The following LTBP1 variants were observed in gnomAD, a reference collection of about 807,000 sequenced individuals.
The protein encoded by LTBP1 is latent-transforming growth factor beta-binding protein 1.
Under a neutral mutation model 207.6 loss-of-function variants are expected in LTBP1, and 129 were observed. The ratio of observed to expected loss-of-function variants is 0.62; its 90% CI spans 0.54 to 0.72. The LOEUF (loss-of-function observed/expected upper bound fraction) is 0.72, where lower values mean the gene tolerates loss of function less well. Among genes scored for constraint, LTBP1 ranks in the 30% least tolerant of loss-of-function variants. The probability of loss-of-function intolerance (pLI) is 0.00; values close to 1 mark genes in which losing one functional copy is unlikely to be tolerated. For synonymous variants in LTBP1, 963 were observed against 833.7 expected (o/e 1.16, Z -2.67); for missense variants, 2,281 against 2,217.2 (o/e 1.03, Z -0.58).
chr2:33,311,535 G>GAAAA (rs11450471), intron 23 of LTBP1, among the ~76,000 whole-genome samples: 184 of 138,348 alleles, frequency 1.3e-3, no homozygotes, highest in African/African-American at 4.1e-3. Context: ...CCAAGAGATG[G>GAAAA]AAAAAAAAAA....
intron 15 of LTBP1, among the ~76,000 whole-genome samples, chr2:33,266,727 A>G (rs2093190695): frequency 6.6e-6 from 1 of 152,160 alleles, no homozygotes. Context: ...GCCCGCAGAA[A>G]GGAGCTACCC....
At position 33,182,715 on chromosome 2, in the gene LTBP1, CACACACACACACACACACACAGACATAT is replaced by C. The variant is rs1558769881; in HGVS notation, c.1202-4139_1202-4112del. ...ATATATATATACACACACACACACA[CACACACACACACACACACACAGACATAT>C]ATATGTATGTATGTGTACACATACA... On this transcript the variant is annotated intron_variant, in intron 5 of 33. Coordinates refer to ENST00000404816, the MANE Select transcript of LTBP1 (RefSeq NM_206943.4). Among the ~76,000 whole-genome samples, 8 of 67,868 alleles carry C rather than the reference CACACACACACACACACACACAGACATAT, an allele frequency of 1.2e-4. 2 individuals carry two copies. Among genetic ancestry groups the C allele is most frequent in the African/African-American group, 4.4e-4 (8 of 18,202 alleles). The allele number at this position is 67,868 out of a possible 152,430, so 44.5% of individuals were successfully genotyped here.
chr2:33,307,085 C>CAAAAAAAAAAAAAAAA (rs1291775472), intron 22 of LTBP1, among the ~76,000 whole-genome samples: 2 of 151,716 alleles, frequency 1.3e-5, no homozygotes, highest in Non-Finnish European at 3.0e-5. Context: ...GACTCCATCT[C>CAAAAAAAAAAAAAAAA]AAAAACAAAA....
At chr2:33,254,160 G>C (rs2092762653) in intron 11 of LTBP1, among the ~76,000 whole-genome samples, 1 of 151,738 alleles carries the variant, frequency 6.6e-6, no homozygotes. Context: ...GGGATTACAG[G>C]GATGGTTCCA....
At chr2:33,051,226 G>C (rs2076721801) in intron 3 of LTBP1, among the ~76,000 whole-genome samples, 1 of 152,132 alleles carries the variant, frequency 6.6e-6, no homozygotes, top group Non-Finnish European at 1.5e-5. Context: ...AGACCAGCCT[G>C]GTCAATGTAG....
intron 5 of LTBP1, among the ~76,000 whole-genome samples, chr2:33,149,771 G>C (rs2083363721): frequency 6.6e-6 from 1 of 152,214 alleles, no homozygotes; most frequent in South Asian, 2.1e-4. Flanking sequence ...TCGTATAACA[G>C]AAACTGCTTT....
chr2:33,133,086 C>T (rs1050763165), intron 4 of LTBP1, among the ~76,000 whole-genome samples: 5 of 152,122 alleles, frequency 3.3e-5, no homozygotes, highest in African/African-American at 1.2e-4. Flanking sequence ...CCACTTGATA[C>T]GTGGAATGCA....
chr2:33,187,027 T>C lies in LTBP1; in HGVS notation c.1373T>C (p.Ile458Thr), dbSNP rs1271318977. The change falls in exon 6 of 34, where the codon ATC becomes ACC. Residue 458 changes from isoleucine (I) to threonine (T), a missense_variant. Transcript: ENST00000404816. The stretch of plus-strand genomic sequence containing the variant: ...GGCAAGGCGTTGGGGACGCATGTCA[T>C]CCATTCAACACATACCTTGCCTCTG... ...QPGKALGTHV[I>T]HSTHTLPLTV... The C allele has an allele frequency of 6.2e-7, 1 of 1,614,216 alleles. No homozygotes were observed. Among genetic ancestry groups the C allele is most frequent in the Admixed American group, 1.7e-5 (1 of 60,030 alleles).
intron 3 of LTBP1, among the ~76,000 whole-genome samples, chr2:33,036,973 T>C (rs967562839): frequency 6.6e-6 from 1 of 152,212 alleles, no homozygotes; most frequent in Admixed American, 6.5e-5. Context: ...AGTAGTTACA[T>C]TGATCATGCT....
intron 2 of LTBP1, among the ~76,000 whole-genome samples, chr2:33,018,550 G>T (rs930086836): frequency 2.0e-5 from 3 of 152,178 alleles, no homozygotes; most frequent in Admixed American, 6.5e-5. Context: ...GTTCTCTTGG[G>T]TGGATCCCAT....
intron 3 of LTBP1, among the ~76,000 whole-genome samples, chr2:33,026,036 C>G (rs560748556): frequency 6.6e-6 from 1 of 152,162 alleles, no homozygotes; most frequent in South Asian, 2.1e-4. Context: ...TAAGCTCATT[C>G]TCTTTATTTG....
chr2:33,217,162 T>C (rs2090774393), intron 7 of LTBP1, among the ~76,000 whole-genome samples: 1 of 152,218 alleles, frequency 6.6e-6, no homozygotes, highest in East Asian at 1.9e-4. Flanking sequence ...CCTTAAGAGT[T>C]ATGTTCCCTG....
chr2:33,250,164 T>C (rs893422514), intron 10 of LTBP1, among the ~76,000 whole-genome samples: 1 of 152,204 alleles, frequency 6.6e-6, no homozygotes, highest in African/African-American at 2.4e-5. Context: ...TGCAAGTCAT[T>C]TGAAATGACA....
intron 2 of LTBP1, among the ~76,000 whole-genome samples, chr2:32,962,921 G>T (rs1679357352): frequency 6.6e-6 from 1 of 152,256 alleles, no homozygotes; most frequent in South Asian, 2.1e-4. Flanking sequence ...TCCTGATACA[G>T]CTGTGGCTTG....
intron 24 of LTBP1, among the ~76,000 whole-genome samples, chr2:33,341,387 T>C (rs1054380714): frequency 1.3e-5 from 2 of 151,752 alleles, no homozygotes; most frequent in African/African-American, 4.8e-5. Flanking sequence ...GTTTTTTGTT[T>C]GTTTGTTTTG....
intron 20 of LTBP1, among the ~76,000 whole-genome samples, chr2:33,295,964 A>G (rs1420116710): frequency 6.6e-6 from 1 of 152,272 alleles, no homozygotes; most frequent in South Asian, 2.1e-4. Context: ...TCCTAGTGGA[A>G]CATCTAACGT....
At chr2:33,197,853 G>A (rs1385493282) in intron 7 of LTBP1, among the ~76,000 whole-genome samples, 6 of 152,236 alleles carry the variant, frequency 3.9e-5, no homozygotes, top group South Asian at 4.1e-4. Flanking sequence ...AACCTGCCTC[G>A]TAATCAGACA....
intron 5 of LTBP1, among the ~76,000 whole-genome samples, chr2:33,175,566 C>G (rs2085946276): frequency 6.6e-6 from 1 of 152,200 alleles, no homozygotes; most frequent in Non-Finnish European, 1.5e-5. Flanking sequence ...GGACTGTAAA[C>G]TAGTTCAACC....
intron 5 of LTBP1, among the ~76,000 whole-genome samples, chr2:33,172,608 T>C (rs558516942): frequency 1.2e-3 from 178 of 152,178 alleles, no homozygotes; most frequent in African/African-American, 4.2e-3. Context: ...GACAGAAAGT[T>C]AACAAGGATA....
Sources: allele counts gnomAD v4.1 joint callset (sites outside exome capture counted in the v4.1 genomes callset), GRCh38; gene constraint gnomAD v4.1.1; transcripts MANE v1.5; gene names NCBI Gene and HGNC (gene_info 2026-07-23, HGNC 2026-07-21).